The following UVSSA variants were observed in gnomAD, a reference collection of about 807,000 sequenced individuals.
UVSSA encodes the protein UV stimulated scaffold protein A, also known as UV-stimulated scaffold protein A.
Under a neutral mutation model 73.9 loss-of-function variants are expected in UVSSA, and 72 were observed. The observed-to-expected ratio is 0.97, with a 90% CI of 0.81 to 1.19. UVSSA has a LOEUF of 1.19. UVSSA is among the 50% of genes most tolerant of loss of function. The probability of loss-of-function intolerance (pLI) is 0.00; values close to 1 mark genes in which losing one functional copy is unlikely to be tolerated. For missense variants in UVSSA, 1,150 were observed against 965.0 expected (o/e 1.19, Z -2.54); for synonymous variants, 454 against 391.3 (o/e 1.16, Z -1.89).
intron 2 of UVSSA, among the ~76,000 whole-genome samples, chr4:1,349,105 G>A (rs931700651): frequency 2.0e-5 from 1 of 50,236 alleles, no homozygotes; most frequent in Non-Finnish European, 5.2e-5. Context: ...GGTGTGTGTT[G>A]CGCTAGGTAA....
chr4:1,359,728 G>A (rs1209842759), intron 7 of UVSSA, among the ~76,000 whole-genome samples: 4 of 152,254 alleles, frequency 2.6e-5, no homozygotes, highest in Non-Finnish European at 5.9e-5. Flanking sequence ...CCGACTCTGT[G>A]GTTTTCTTTC....
In UVSSA at chr4:1,366,490, G is replaced by A. The variant is rs918298966; in HGVS notation, c.1288+59G>A. The A allele has an allele frequency of 6.0e-6, 8 of 1,332,696 alleles. No individual in the cohort carries two copies. In the African/African-American group the frequency reaches 8.8e-5, roughly 15 times the overall value. 82.6% of individuals were successfully genotyped at this position (1,332,696 alleles called of 1,614,324 possible). On this transcript the variant is annotated intron_variant, in intron 8 of 13. Transcript: ENST00000389851. The stretch of plus-strand genomic sequence containing the variant: ...GTGGAGGGTCCCCCACTCAGGATGT[G>A]GCCCCTTGGGGTCATGACCTCAGGG...
intron 3 of UVSSA, among the ~76,000 whole-genome samples, chr4:1,351,201 G>T (rs1269585443): frequency 6.6e-6 from 1 of 151,640 alleles, no homozygotes; most frequent in Non-Finnish European, 1.5e-5. Flanking sequence ...AAGTAGCTGG[G>T]ACTACAAGCA....
intron 7 of UVSSA, chr4:1,357,083 C>G: frequency 6.6e-6 from 1 of 151,656 alleles, no homozygotes; most frequent in Non-Finnish European, 1.4e-5. Flanking sequence ...TGGTGAGGGT[C>G]CATAGAGCAG....
chr4:1,357,630 C>T (rs1715977914), intron 7 of UVSSA, among the ~76,000 whole-genome samples: 1 of 152,244 alleles, frequency 6.6e-6, no homozygotes, highest in African/African-American at 2.4e-5. Flanking sequence ...CTGACTTGCA[C>T]CCACATCTCC....
intron 12 of UVSSA, among the ~76,000 whole-genome samples, 197 bp from the exon 13 acceptor site, chr4:1,383,569 C>A (rs1371603348): frequency 6.6e-6 from 1 of 152,150 alleles, no homozygotes; most frequent in Non-Finnish European, 1.5e-5. Flanking sequence ...CCAGCATGCC[C>A]ACCCTCCCCA....
intron 7 of UVSSA, among the ~76,000 whole-genome samples, chr4:1,364,505 C>G (rs917977783): frequency 3.3e-5 from 5 of 152,358 alleles, no homozygotes; most frequent in Admixed American, 1.3e-4. Flanking sequence ...TTCCTCCCTT[C>G]AGGAAACAGC....
At chr4:1,395,588 G>A (rs1422024903) in exon 14 of UVSSA, 1 of 1,600,722 alleles carries the variant, frequency 6.2e-7, no homozygotes, top group Non-Finnish European at 8.5e-7. Flanking sequence ...GTGCCCATGT[G>A]GAGTGCCCGC....
At chr4:1,344,559 A>G (rs1713544136), upstream of UVSSA, among the ~76,000 whole-genome samples, 1 of 152,204 alleles carries the variant, frequency 6.6e-6, no homozygotes. Context: ...TCAAACAAAA[A>G]CAAACAAGAA....
chr4:1,351,883 C>T lies in UVSSA; in HGVS notation c.550+48C>T, dbSNP rs184543158. 2.9e-5 allele frequency: 47 copies of T among 1,600,922 alleles called. No homozygotes were observed. In the East Asian group the frequency reaches 5.6e-4, roughly 19 times the overall value. Reference sequence around the variant, plus strand: ...GGGGCCCACGCCTCTGAGGGTTGCCCGTGGTCCAGCAGTTCATCCTCCTGG... The same window carrying T: ...GGGGCCCACGCCTCTGAGGGTTGCCTGTGGTCCAGCAGTTCATCCTCCTGG... On this transcript the variant is annotated intron_variant, in intron 4 of 13. Transcript: ENST00000389851.
intron 13 of UVSSA, chr4:1,385,575 C>G: frequency 2.2e-6 from 1 of 447,438 alleles, no homozygotes; most frequent in South Asian, 2.5e-5. Flanking sequence ...GTGCGGGAGG[C>G]CACGGGAGAA....
chr4:1,346,394 T>A (rs2075893525), upstream of UVSSA, among the ~76,000 whole-genome samples: 1 of 152,104 alleles, frequency 6.6e-6, no homozygotes, highest in African/African-American at 2.4e-5. Context: ...ACCACGCTCC[T>A]CCGAAGCCAC....
intron 12 of UVSSA, among the ~76,000 whole-genome samples, chr4:1,383,417 C>T (rs1017966867): frequency 6.6e-6 from 1 of 152,080 alleles, no homozygotes; most frequent in African/African-American, 2.4e-5. Context: ...CTGGCCTTAG[C>T]CGCCTTCCAG....
chr4:1,380,472 C>T (rs1274350482), intron 11 of UVSSA, among the ~76,000 whole-genome samples: 2 of 152,184 alleles, frequency 1.3e-5, no homozygotes, highest in Non-Finnish European at 2.9e-5. Context: ...CTTGGGGACT[C>T]TCCAGGGGCC....
Position 1,351,825 on chromosome 4 carries a change from G to A in UVSSA, c.540G>A (p.Arg180=), listed in dbSNP as rs1192327439. Residue 180 remains arginine (R), a synonymous_variant, in exon 4 of 14, where the codon AGG becomes AGA. Coordinates refer to ENST00000389851, the MANE Select transcript of UVSSA (RefSeq NM_020894.4). ...IYQERASQAE[R]EMQEMSGEIE... The stretch of plus-strand genomic sequence containing the variant: ...AAGAAAGAGCCAGCCAGGCGGAGAG[G>A]GAGATGCAAGGCAAGTGTCCAGGAC... 3.1e-6 allele frequency: 5 copies of A among 1,613,318 alleles called. No homozygotes were observed. The highest frequency in any genetic ancestry group is 1.7e-5 in the Admixed American group (1 of 60,014).
intron 8 of UVSSA, among the ~76,000 whole-genome samples, chr4:1,372,827 TCCCGCGTCTCAGG>T (rs1718279284): frequency 6.7e-5 from 3 of 44,558 alleles, no homozygotes; most frequent in African/African-American, 2.5e-4. Context: ...GGCACTCACC[TCCCGCGTCTCAGG>T]GCACTCACCT....
chr4:1,352,573 G>T (rs1051394000), intron 4 of UVSSA, among the ~76,000 whole-genome samples: 3 of 152,228 alleles, frequency 2.0e-5, no homozygotes, highest in Non-Finnish European at 4.4e-5. Context: ...CCTCCCCTGC[G>T]CACTCGTGCT....
At chr4:1,384,095 C>G (rs575140130) in intron 13 of UVSSA, 155 bp downstream of exon 13, 1 of 947,482 alleles carries the variant, frequency 1.1e-6, no homozygotes. Context: ...AGCCTTTCCC[C>G]GGGGAGGGGC....
At chr4:1,381,077 G>A in intron 12 of UVSSA, 89 bp downstream of exon 12, 2 of 1,239,670 alleles carry the variant, frequency 1.6e-6, no homozygotes, top group Non-Finnish European at 2.3e-6. Context: ...GAGTCACAGA[G>A]CACCCGCTCT....
Sources: gnomAD v4.1 joint callset for allele counts (sites outside exome capture counted in the v4.1 genomes callset) on GRCh38, gnomAD v4.1.1 for gene constraint, MANE v1.5 for transcripts, NCBI Gene and HGNC (gene_info 2026-07-23, HGNC 2026-07-21) for gene names.